SIK3: variants seen among roughly 807,000 people sequenced by gnomAD.
SIK3 encodes SIK family kinase 3, also known as serine/threonine-protein kinase SIK3.
Under a neutral mutation model 144.2 loss-of-function variants are expected in SIK3, and 28 were observed. The observed-to-expected ratio is 0.19, with a 90% CI of 0.14 to 0.27. The LOEUF (loss-of-function observed/expected upper bound fraction) is 0.27. SIK3 is among the 10% of genes least tolerant of loss of function. SIK3 has a pLI of 1.00. For missense variants in SIK3, 1,319 were observed against 1,776.0 expected (o/e 0.74, Z 4.62); for synonymous variants, 686 against 676.3 (o/e 1.01, Z -0.22).
At chr11:116,965,374 T>TA (rs1949490568) in intron 1 of SIK3, among the ~76,000 whole-genome samples, 1 of 149,718 alleles carries the variant, frequency 6.7e-6, no homozygotes, top group African/African-American at 2.5e-5. Context: ...ATTCAACAAT[T>TA]TTTTTTTTTT....
chr11:117,051,469 C>G (rs1249954021), intron 1 of SIK3, among the ~76,000 whole-genome samples: 1 of 151,898 alleles, frequency 6.6e-6, no homozygotes, highest in Non-Finnish European at 1.5e-5. Context: ...TAAAATAAAC[C>G]TCTTCTATAT....
rs376470652 is a variant in SIK3 at position 117,062,298 on chromosome 11, G to A, written c.273+35845C>T. On this transcript the variant is annotated intron_variant, in intron 1 of 24. Coordinates refer to ENST00000445177, the MANE Select transcript of SIK3 (RefSeq NM_001366686.3). ...ATTACAAGCTTTCTGATTTTCCCTC[G>A]AAAATTACTTAACCCTTTGGAAATA... Among the ~76,000 whole-genome samples, 11 of 152,084 alleles carry A rather than the reference G, an allele frequency of 7.2e-5. 1 individual carries two copies. The highest frequency in any genetic ancestry group is 2.4e-4 in the African/African-American group (10 of 41,396).
chr11:117,034,039 C>T (rs149578052), intron 1 of SIK3, among the ~76,000 whole-genome samples: 33 of 152,092 alleles, frequency 2.2e-4, no homozygotes, highest in African/African-American at 7.5e-4. Flanking sequence ...GATTTATAAT[C>T]GCTGCCATGT....
chr11:117,023,611 A>AACAAAC (rs1457414612), intron 1 of SIK3, among the ~76,000 whole-genome samples: 3 of 35,144 alleles, frequency 8.5e-5, no homozygotes, highest in African/African-American at 2.9e-4. Context: ...CAAACAAACA[A>AACAAAC]AAAAAAAAAA....
intron 1 of SIK3, among the ~76,000 whole-genome samples, chr11:117,023,619 A>ATATATATATATATAT (rs374740569): frequency 3.3e-4 from 33 of 99,800 alleles, no homozygotes; most frequent in African/African-American, 1.6e-3. Flanking sequence ...CAAAAAAAAA[A>ATATATATATATATAT]AAATATATAT....
At chr11:117,019,164 T>C (rs1951661375) in intron 1 of SIK3, among the ~76,000 whole-genome samples, 2 of 151,274 alleles carry the variant, frequency 1.3e-5, no homozygotes, top group African/African-American at 4.9e-5. Flanking sequence ...GGACTACAGG[T>C]GCACACCGCC....
rs543015946 is a variant in SIK3 at position 117,010,507 on chromosome 11, G to A, written c.274-53443C>T. Reference sequence around the variant, plus strand: ...CTCAAATCTGACTTTCCTTTTTTCTGTGCCTAAACCACCTACATCACCAGG... The same window carrying A: ...CTCAAATCTGACTTTCCTTTTTTCTATGCCTAAACCACCTACATCACCAGG... On this transcript the variant is annotated intron_variant, in intron 1 of 24. Coordinates refer to ENST00000445177, the MANE Select transcript of SIK3 (RefSeq NM_001366686.3). Among the ~76,000 whole-genome samples, 9 of 152,106 alleles carry A rather than the reference G, an allele frequency of 5.9e-5. No homozygotes were observed. In the South Asian group the frequency reaches 1.5e-3, roughly 25 times the overall value.
intron 1 of SIK3, among the ~76,000 whole-genome samples, chr11:117,025,286 TA>T (rs1309313948): frequency 1.3e-5 from 2 of 151,922 alleles, no homozygotes; most frequent in African/African-American, 4.8e-5. Flanking sequence ...CTGATACCCA[TA>T]AAAGTAAAAT....
At chr11:116,847,659 G>A in intron 22 of SIK3, 51 bp from the exon 23 acceptor site, 3 of 1,610,254 alleles carry the variant, frequency 1.9e-6, no homozygotes, top group Non-Finnish European at 2.5e-6. Context: ...ACCACTCTCA[G>A]GCAACCCCTA....
At chr11:117,010,573 T>C (rs1448381039) in intron 1 of SIK3, among the ~76,000 whole-genome samples, 3 of 152,126 alleles carry the variant, frequency 2.0e-5, no homozygotes, top group Non-Finnish European at 2.9e-5. Flanking sequence ...TGCTGGCTTA[T>C]CAGGCTGTAT....
In SIK3 at chr11:117,012,849, C is replaced by CTTTTTT. The variant is rs10652499; in HGVS notation, c.274-55791_274-55786dup. Among the ~76,000 whole-genome samples, 41 of 96,100 alleles carry CTTTTTT rather than the reference C, an allele frequency of 4.3e-4. 1 individual carries two copies. Among genetic ancestry groups the CTTTTTT allele is most frequent in the African/African-American group, 7.9e-4 (19 of 23,976 alleles). The allele number at this position is 96,100 out of a possible 152,430, so 63.0% of individuals were successfully genotyped here. A position where few individuals can be genotyped will look rare whatever the true frequency, so the allele number is the denominator to read the frequency against. On this transcript the variant is annotated intron_variant, in intron 1 of 24. Coordinates refer to ENST00000445177, the MANE Select transcript of SIK3 (RefSeq NM_001366686.3). ...AGGGTTTTTTTTTTTGCCATTACTGCTTTTTTTTTTTTTTTTTTTTGAGAC... is the reference window on the plus strand; with the variant it reads ...AGGGTTTTTTTTTTTGCCATTACTGCTTTTTTTTTTTTTTTTTTTTTTTTTTGAGAC...
chr11:117,091,279 A>G (rs1226256972), intron 1 of SIK3, among the ~76,000 whole-genome samples: 1 of 133,692 alleles, frequency 7.5e-6, no homozygotes, highest in Non-Finnish European at 1.5e-5. Context: ...ATCTCGGCTC[A>G]CTGCAACCTC....
Position 116,956,984 on chromosome 11 carries a change from C to G in SIK3, c.354G>C (p.Lys118Asn). Residue 118 changes from lysine (K) to asparagine (N), a missense_variant, in exon 2 of 25, where the codon AAG becomes AAC. Lys to Asn is a moderately conservative substitution (Grantham distance 94). Around this residue, in one of 8 missense-constraint regions of SIK3, gnomAD observed 125 missense variants for 285.2 expected, o/e 0.44. Coordinates refer to ENST00000445177, the MANE Select transcript of SIK3 (RefSeq NM_001366686.3). ...TGATGATATGGGGGTGGCAAAGCAT[C>G]TTCATAATTTGAACTTCCCGGAAAA... ...KKIFREVQIM[K>N]MLCHPHIIRL... The G allele has an allele frequency of 6.2e-7, 1 of 1,610,228 alleles. No individual in the cohort carries two copies. The highest frequency in any genetic ancestry group is 8.5e-7 in the Non-Finnish European group (1 of 1,178,922).
chr11:117,042,143 C>G (rs1176781046), intron 1 of SIK3, among the ~76,000 whole-genome samples: 5 of 152,260 alleles, frequency 3.3e-5, no homozygotes, highest in African/African-American at 1.2e-4. Flanking sequence ...ACAGAAGGCT[C>G]ATGATATGCT....
In SIK3 at chr11:116,846,335, G is replaced by A; in HGVS notation, c.*13+48C>T. 6.3e-7 allele frequency: 1 copy of A among 1,581,548 alleles called. No homozygotes were observed. On this transcript the variant is annotated intron_variant, in intron 24 of 24. Transcript: ENST00000445177. This position sits in a 1 kb window ranked among gnomAD's most constrained non-coding sequence, Gnocchi z 4.1. Reference sequence around the variant, plus strand: ...GAAGCTCCTGATGGGATTGGGAGCAGGCACTGGGCCACAGGGCTGGTTTGG... The same window carrying A: ...GAAGCTCCTGATGGGATTGGGAGCAAGCACTGGGCCACAGGGCTGGTTTGG...
intron 19 of SIK3, among the ~76,000 whole-genome samples, chr11:116,859,885 G>C (rs1943216357): frequency 6.6e-6 from 1 of 152,158 alleles, no homozygotes; most frequent in African/African-American, 2.4e-5. Context: ...ATTACATGGG[G>C]TAACTCGGAT....
intron 3 of SIK3, among the ~76,000 whole-genome samples, chr11:116,929,939 G>A (rs1023928412): frequency 1.3e-5 from 2 of 152,162 alleles, no homozygotes; most frequent in African/African-American, 4.8e-5. Flanking sequence ...AAAGGTAGCT[G>A]TAACAGCGCA....
chr11:116,960,921 C>G (rs1389042482), intron 1 of SIK3, among the ~76,000 whole-genome samples: 1 of 152,224 alleles, frequency 6.6e-6, no homozygotes, highest in African/African-American at 2.4e-5. Flanking sequence ...AATCCTGGAT[C>G]TGAAACACAT....
chr11:116,848,057 G>T (rs1942129943), intron 22 of SIK3, among the ~76,000 whole-genome samples: 1 of 152,182 alleles, frequency 6.6e-6, no homozygotes, highest in South Asian at 2.1e-4. Flanking sequence ...GCTCATGCCT[G>T]TAATCCCAGC....
Sources: allele counts gnomAD v4.1 joint callset (sites outside exome capture counted in the v4.1 genomes callset), GRCh38; gene constraint gnomAD v4.1.1; regional missense constraint gnomAD v4.1.1; non-coding constraint Gnocchi (gnomAD v3.1); transcripts MANE v1.5; gene names NCBI Gene and HGNC (gene_info 2026-07-23, HGNC 2026-07-21).